IGFBP3: variants seen among roughly 807,000 people sequenced by gnomAD.
IGFBP3 encodes the protein insulin-like growth factor-binding protein 3.
Under a neutral mutation model 28.6 loss-of-function variants are expected in IGFBP3, and 9 were observed. The observed-to-expected ratio is 0.31, with a 90% confidence interval of 0.19 to 0.55. The LOEUF (loss-of-function observed/expected upper bound fraction) is 0.55. Among genes scored for constraint, IGFBP3 ranks in the 20% least tolerant of loss-of-function variants. IGFBP3 has a pLI of 0.93. For missense variants in IGFBP3, 382 were observed against 428.9 expected, an observed-to-expected ratio of 0.89 and a Z score of 0.97; for synonymous variants, 185 against 188.2, an observed-to-expected ratio of 0.98 and a Z score of 0.14.
intron 3 of IGFBP3, 48 bp downstream of exon 3, chr7:45,916,500 C>G (rs778103687): frequency 9.5e-6 from 15 of 1,581,220 alleles, no homozygotes; most frequent in Non-Finnish European, 1.3e-5. Flanking sequence ...TGGGTTTCTC[C>G]TCTGTGTCAA....
chr7:45,916,484 G>A (rs774223846), intron 3 of IGFBP3, 64 bp downstream of exon 3: 19 of 1,545,552 alleles, frequency 1.2e-5, no homozygotes, highest in Non-Finnish European at 1.6e-5. Flanking sequence ...CTGGGGGCTG[G>A]TGAGATGGGT....
rs750699705 is a variant in IGFBP3, at chr7:45,917,263, T to C, written c.580A>G (p.Ser194Gly). The change falls in exon 2 of 5, where the codon AGC becomes GGC. Residue 194 changes from serine (S) to glycine (G), a missense_variant. Physicochemically the swap from Ser to Gly is moderately conservative, Grantham distance 56. Coordinates refer to ENST00000613132, the MANE Select transcript of IGFBP3 (RefSeq NM_000598.5). ...GAGGAGAAGTTCTGGGTATCTGTGC[T>C]CTGAGACTCGTAGTCAACTTTGTAG... is the stretch of plus-strand genomic sequence containing the variant. Reference protein sequence around the residue: ...QRYKVDYESQSTDTQNFSSES... With the variant: ...QRYKVDYESQGTDTQNFSSES... The C allele has an allele frequency of 4.3e-6, 7 of 1,613,992 alleles. No homozygotes were observed. In the South Asian group the frequency reaches 6.6e-5, roughly 15 times the overall value.
chr7:45,917,281 C>G lies in IGFBP3; in HGVS notation c.562G>C (p.Val188Leu). The G allele has an allele frequency of 1.2e-6, 2 of 1,614,094 alleles. No homozygotes were observed. Among genetic ancestry groups the G allele is most frequent in the African/African-American group, 1.3e-5 (1 of 75,030 alleles). Residue 188 changes from valine to leucine, a missense_variant, in exon 2 of 5, where the codon GTT becomes CTT. By Grantham distance (32) the Val-to-Leu change is conservative. Coordinates refer to ENST00000613132, the MANE Select transcript of IGFBP3 (RefSeq NM_000598.5). ...TCTGTGCTCTGAGACTCGTAGTCAA[C>G]TTTGTAGCGCTGGCTGTCTTTAGCA... is the stretch of plus-strand genomic sequence containing the variant. ...GHAKDSQRYK[V>L]DYESQSTDTQ... is the part of the protein sequence containing the mutation.
At chr7:45,914,512 T>C (rs117963590) in intron 4 of IGFBP3, 177 of 216,116 alleles carry the variant, frequency 8.2e-4, no homozygotes, top group East Asian at 6.4e-3. Context: ...CTTCACTTTG[T>C]GTGTGGATGA....
Position 45,913,125 on chromosome 7 carries a change from TG to T in IGFBP3, c.*724del, listed in dbSNP as rs1562579184. 1 of 152,212 alleles carries T rather than the reference TG, an allele frequency of 6.6e-6. No individual in the cohort carries two copies. The highest frequency in any genetic ancestry group is 1.5e-5 in the Non-Finnish European group (1 of 68,044). The allele number at this position is 152,212 out of a possible 1,614,324, so 9.4% of individuals were successfully genotyped here. On this transcript the variant is annotated 3_prime_UTR_variant, in exon 5 of 5. Transcript: ENST00000613132. ...CACGGGGCCGCAGCAAAAGCCATCCTGGGCCTTCGACTGGGCCATGTCTTCA... is the reference window on the plus strand; with the variant it reads ...CACGGGGCCGCAGCAAAAGCCATCCTGGCCTTCGACTGGGCCATGTCTTCA...
At chr7:45,915,722 T>C (rs1270374713) in intron 3 of IGFBP3, among the ~76,000 whole-genome samples, 3 of 152,234 alleles carry the variant, frequency 2.0e-5, no homozygotes, top group African/African-American at 7.2e-5. Flanking sequence ...TGGGACTATG[T>C]TGCAATATAA....
intron 3 of IGFBP3, 161 bp from the exon 4 acceptor site, chr7:45,915,106 C>A: frequency 2.7e-6 from 2 of 733,920 alleles, no homozygotes; most frequent in Non-Finnish European, 4.4e-6. Flanking sequence ...GTGCCTAGGC[C>A]CGCTGAGTGT....
intron 4 of IGFBP3, chr7:45,914,343 C>T (rs1784580259): frequency 6.6e-6 from 1 of 152,322 alleles, no homozygotes; most frequent in Non-Finnish European, 1.5e-5. Context: ...GCTGCATCTT[C>T]AAACTGATGC....
Position 45,920,921 on chromosome 7 carries a change from C to A in IGFBP3, c.220G>T (p.Ala74Ser), listed in dbSNP as rs1220483754. Residue 74 changes from alanine (A) to serine (S), a missense_variant, in exon 1 of 5, where the codon GCA (alanine) becomes TCA (serine). Ala to Ser is a moderately conservative substitution (Grantham distance 99). Coordinates refer to ENST00000613132, the MANE Select transcript of IGFBP3 (RefSeq NM_000598.5). The stretch of plus-strand genomic sequence containing the variant: ...CCGCACGGCTGGCCCTCGCTCAGTG[C>A]GCACGTCAGGCAGCAGCCGCAGCCC... Reference protein sequence around the residue: ...EPGCGCCLTCALSEGQPCGIY... With the variant: ...EPGCGCCLTCSLSEGQPCGIY... 1.4e-6 allele frequency: 2 copies of A among 1,425,072 alleles called. No individual in the cohort carries two copies. Among genetic ancestry groups the A allele is most frequent in the Middle Eastern group, 2.5e-4 (1 of 4,006 alleles). 88.3% of individuals were successfully genotyped at this position (1,425,072 alleles called of 1,614,324 possible).
At chr7:45,919,016 C>A (rs937567281) in intron 1 of IGFBP3, among the ~76,000 whole-genome samples, 1 of 152,194 alleles carries the variant, frequency 6.6e-6, no homozygotes, top group African/African-American at 2.4e-5. Context: ...TGTAAATACT[C>A]TAAGAACATG....
rs1166618986 is a variant in IGFBP3 at position 45,921,025 on chromosome 7, C to A, written c.116G>T (p.Arg39Leu). The A allele has an allele frequency of 7.1e-7, 1 of 1,416,702 alleles. No homozygotes were observed. The highest frequency in any genetic ancestry group is 9.1e-7 in the Non-Finnish European group (1 of 1,093,118). The allele number at this position is 1,416,702 out of a possible 1,614,324, so 87.8% of individuals were successfully genotyped here. A position where few individuals can be genotyped will look rare whatever the true frequency, so the allele number is the denominator to read the frequency against. The change falls in exon 1 of 5, where the codon CGC becomes CTC. Residue 39 changes from arginine to leucine, a missense_variant. Arg to Leu is a moderately radical substitution (Grantham distance 102). Coordinates refer to ENST00000613132, the MANE Select transcript of IGFBP3 (RefSeq NM_000598.5). ...ASSAGLGPVV[R>L]CEPCDARALA... is the part of the protein sequence containing the mutation. ...TGCACGCGCGTCGCACGGCTCGCAG[C>A]GCACCACGGGACCCAAGCCCGCCGA...
chr7:45,914,727 T>G, intron 4 of IGFBP3, 78 bp downstream of exon 4: 1 of 1,434,428 alleles, frequency 7.0e-7, no homozygotes, highest in African/African-American at 1.4e-5. Flanking sequence ...GAAGGGCCAG[T>G]GGCCACGCCC....
Position 45,920,926 on chromosome 7 carries a change from G to T in IGFBP3, c.215C>A (p.Thr72Lys). The T allele has an allele frequency of 7.1e-7, 1 of 1,413,736 alleles. No homozygotes were observed. The highest frequency in any genetic ancestry group is 9.2e-7 in the Non-Finnish European group (1 of 1,089,668). 87.6% of individuals were successfully genotyped at this position (1,413,736 alleles called of 1,614,324 possible). Residue 72 changes from threonine (T) to lysine (K), a missense_variant, in exon 1 of 5, where the codon ACG becomes AAG. Coordinates refer to ENST00000613132, the MANE Select transcript of IGFBP3 (RefSeq NM_000598.5). Reference sequence around the variant, plus strand: ...CGGCTGGCCCTCGCTCAGTGCGCACGTCAGGCAGCAGCCGCAGCCCGGCTC... The same window carrying T: ...CGGCTGGCCCTCGCTCAGTGCGCACTTCAGGCAGCAGCCGCAGCCCGGCTC... Reference protein sequence around the residue: ...VREPGCGCCLTCALSEGQPCG... With the variant: ...VREPGCGCCLKCALSEGQPCG...
intron 3 of IGFBP3, 166 bp from the exon 4 acceptor site, chr7:45,915,111 G>T: frequency 1.4e-6 from 1 of 705,672 alleles, no homozygotes. Flanking sequence ...TAGGCCCGCT[G>T]AGTGTGCGCC....
In IGFBP3 at chr7:45,920,756, G is replaced by A. The variant is rs1784675059; in HGVS notation, c.385C>T (p.Pro129Ser). ...GGCTCACCTGGAGCTGGCGGCGCTG[G>A]CAGCAGGTAGGCGCGCAGGCGGCTG... ...AVSRLRAYLLPAPPAPGNASE... is the reference protein window; with the variant it reads ...AVSRLRAYLLSAPPAPGNASE... Residue 129 changes from proline (P) to serine (S), a missense_variant, in exon 1 of 5, where the codon CCA becomes TCA. By Grantham distance (74) the Pro-to-Ser change is moderately conservative (BLOSUM62 -1). Transcript: ENST00000613132. The A allele has an allele frequency of 7.0e-7, 1 of 1,420,648 alleles. No homozygotes were observed. The highest frequency in any genetic ancestry group is 3.0e-5 in the Admixed American group (1 of 32,836). The allele number at this position is 1,420,648 out of a possible 1,614,324, so 88.0% of individuals were successfully genotyped here.
chr7:45,914,918 C>T lies in IGFBP3; in HGVS notation c.778G>A (p.Gly260Ser). The T allele has an allele frequency of 1.2e-6, 2 of 1,614,164 alleles. No individual in the cohort carries two copies. Among genetic ancestry groups the T allele is most frequent in the Non-Finnish European group, 1.7e-6 (2 of 1,180,028 alleles). The change falls in exon 4 of 5, where the codon GGC (glycine) becomes AGC (serine). Residue 260 changes from glycine to serine, a missense_variant. Gly to Ser is a moderately conservative substitution (Grantham distance 56, BLOSUM62 0). Transcript: ENST00000613132. ...TACTTATCCACACACCAGCAGAAGC[C>T]CCGCTTCCTGCCTTTGGAAGGGCGA... ...QCRPSKGRKR[G>S]FCWCVDKYGQ... is the part of the protein sequence containing the mutation.
In IGFBP3 at chr7:45,920,727, G is replaced by T. The variant is rs928656476; in HGVS notation, c.403+11C>A. ...GTGCTGCACGCAGCGCACCTGGCGCGGGCGGCTCACCTGGAGCTGGCGGCG... is the reference window on the plus strand; with the variant it reads ...GTGCTGCACGCAGCGCACCTGGCGCTGGCGGCTCACCTGGAGCTGGCGGCG... On this transcript the variant is annotated intron_variant, in intron 1 of 4. Coordinates refer to ENST00000613132, the MANE Select transcript of IGFBP3 (RefSeq NM_000598.5). 1.4e-6 allele frequency: 2 copies of T among 1,393,190 alleles called. No homozygotes were observed. Among genetic ancestry groups the T allele is most frequent in the South Asian group, 1.6e-5 (1 of 62,750 alleles). The allele number at this position is 1,393,190 out of a possible 1,614,324, so 86.3% of individuals were successfully genotyped here. A position where few individuals can be genotyped will look rare whatever the true frequency, so the allele number is the denominator to read the frequency against.
chr7:45,912,421 T>A lies in IGFBP3; in HGVS notation c.*1429A>T, dbSNP rs987241445. 2 of 152,084 alleles carry A rather than the reference T, an allele frequency of 1.3e-5. No homozygotes were observed. The highest frequency in any genetic ancestry group is 6.5e-5 in the Admixed American group (1 of 15,282). 9.4% of individuals were successfully genotyped at this position (152,084 alleles called of 1,614,324 possible). A position where few individuals can be genotyped will look rare whatever the true frequency, so the allele number is the denominator to read the frequency against. On this transcript the variant is annotated 3_prime_UTR_variant, in exon 5 of 5. Coordinates refer to ENST00000613132, the MANE Select transcript of IGFBP3 (RefSeq NM_000598.5). ...GCAAGACAAACTTCTCAAAAATACT[T>A]TTCCCCCCAAAAAGTTAAAAAAATA...
chr7:45,916,398 G>C (rs1166172580), intron 3 of IGFBP3, 150 bp downstream of exon 3: 3 of 661,582 alleles, frequency 4.5e-6, no homozygotes, highest in Admixed American at 2.6e-5. Context: ...CCCTTGGTCT[G>C]ACCTCCTGAG....
Sources: gnomAD v4.1 joint callset for allele counts (sites outside exome capture counted in the v4.1 genomes callset) on GRCh38, gnomAD v4.1.1 for gene constraint, MANE v1.5 for transcripts, NCBI Gene and HGNC (gene_info 2026-07-23, HGNC 2026-07-21) for gene names.